ORC1: variants seen among roughly 807,000 people sequenced by gnomAD.
ORC1 encodes origin recognition complex, subunit 1 homolog.
Under a neutral mutation model 98.9 loss-of-function variants are expected in ORC1, and 61 were observed. The observed-to-expected ratio is 0.62, with a 90% CI of 0.50 to 0.76. ORC1 has a LOEUF of 0.76. Ranked by LOEUF, ORC1 falls within the 30% of genes least tolerant of loss-of-function variation. The pLI is 0.00. For synonymous variants in ORC1, 385 were observed against 406.9 expected, an observed-to-expected ratio of 0.95 and a Z score of 0.65; for missense variants, 979 against 1,072.2, an observed-to-expected ratio of 0.91 and a Z score of 1.21.
intron 13 of ORC1, among the ~76,000 whole-genome samples, chr1:52,382,289 T>G (rs149707664): frequency 4.1e-4 from 63 of 152,044 alleles, no homozygotes; most frequent in African/African-American, 1.5e-3. Flanking sequence ...TAAACTGGGA[T>G]TATAGGCATG....
chr1:52,406,754 G>T (rs991255876), upstream of ORC1, among the ~76,000 whole-genome samples: 4 of 152,156 alleles, frequency 2.6e-5, no homozygotes, highest in African/African-American at 9.6e-5. Context: ...TGCTGTAAGG[G>T]CTTTGCATAT....
chr1:52,397,206 G>A (rs910169161), intron 4 of ORC1, among the ~76,000 whole-genome samples: 2 of 152,132 alleles, frequency 1.3e-5, no homozygotes, highest in African/African-American at 4.8e-5. Flanking sequence ...GGAGCCTGAA[G>A]TCACTTCAGG....
At chr1:52,383,982 C>T (rs1326045375) in intron 11 of ORC1, 45 bp from the exon 12 acceptor site, 1 of 1,505,498 alleles carries the variant, frequency 6.6e-7, no homozygotes, top group East Asian at 2.3e-5. Context: ...AAGGGTCTTA[C>T]TCCCTTGGGC....
At chr1:52,405,957 T>A, upstream of ORC1, 2 of 873,884 alleles carry the variant, frequency 2.3e-6, no homozygotes, top group South Asian at 3.4e-5. Flanking sequence ...CACTCCAGAT[T>A]TTTGCTTTTG....
rs201244952 is a variant in ORC1 at position 52,401,396 on chromosome 1, C to G, written c.189G>C (p.Pro63=). ...ACAACTCAAGCAATTTAGCAACATA[C>G]GGGTTTTCATCATCATCCCCTTCAA... ...VLIEGDDDEN[P]YVAKLLELFE... is the part of the protein sequence containing the mutation. Residue 63 remains proline, a synonymous_variant, in exon 3 of 17, where the codon CCG becomes CCC. Transcript: ENST00000371568. 14 of 1,613,984 alleles carry G rather than the reference C, an allele frequency of 8.7e-6. No individual in the cohort carries two copies. The highest frequency in any genetic ancestry group is 1.1e-5 in the Non-Finnish European group (13 of 1,179,992).
chr1:52,402,266 T>C, intron 1 of ORC1, 38 bp from the exon 2 acceptor site: 2 of 1,468,784 alleles, frequency 1.4e-6, no homozygotes, highest in South Asian at 1.1e-5. Context: ...CCATGATAAA[T>C]ATTTGGTATT....
chr1:52,387,108 G>A (rs1040608360), intron 8 of ORC1, among the ~76,000 whole-genome samples: 1 of 152,118 alleles, frequency 6.6e-6, no homozygotes, highest in Non-Finnish European at 1.5e-5. Context: ...CTACTTTTGG[G>A]TGGGGGCCAG....
chr1:52,376,282 A>G (rs1207299346), intron 14 of ORC1, among the ~76,000 whole-genome samples: 1 of 152,200 alleles, frequency 6.6e-6, no homozygotes, highest in African/African-American at 2.4e-5. Context: ...TGGGAGGCCC[A>G]GGCAGGTGGA....
In ORC1 at chr1:52,397,794, CA is replaced by C; in HGVS notation, c.292del (p.Cys98ValfsTer38). 1 of 1,614,160 alleles carries C rather than the reference CA, an allele frequency of 6.2e-7. No individual in the cohort carries two copies. The highest frequency in any genetic ancestry group is 1.1e-5 in the South Asian group (1 of 91,082). ...WFVRFCEVPACKRHLLGRKPG... is the reference protein window; with the variant it reads ...WFVRFCEVPAXKRHLLGRKPG... Reference sequence around the variant, plus strand: ...CTTCCGGCCCAACAAATGCCGTTTACAGGCAGGGACTTCACAGAATCGGACA... The same window carrying C: ...CTTCCGGCCCAACAAATGCCGTTTACGGCAGGGACTTCACAGAATCGGACA... On this transcript the variant is annotated frameshift_variant, in exon 4 of 17. Coordinates refer to ENST00000371568, the MANE Select transcript of ORC1 (RefSeq NM_004153.4). LOFTEE classifies it high-confidence loss of function.
At chr1:52,395,303 T>A (rs897042919) in intron 5 of ORC1, among the ~76,000 whole-genome samples, 1 of 152,180 alleles carries the variant, frequency 6.6e-6, no homozygotes, top group African/African-American at 2.4e-5. Context: ...TATATGTATA[T>A]GTATCTGCTG....
intron 3 of ORC1, among the ~76,000 whole-genome samples, chr1:52,398,645 G>T (rs934337842): frequency 2.6e-5 from 4 of 151,670 alleles, no homozygotes; most frequent in Non-Finnish European, 5.9e-5. Context: ...GCAGTGGTTT[G>T]ATCTTGGCTC....
intron 14 of ORC1, among the ~76,000 whole-genome samples, chr1:52,376,377 T>C (rs1569902833): frequency 6.6e-6 from 1 of 152,186 alleles, no homozygotes; most frequent in East Asian, 1.9e-4. Context: ...CAGCCGGGCA[T>C]GGTGGCACAT....
At chr1:52,375,284 G>A in intron 15 of ORC1, 146 bp downstream of exon 15, 3 of 778,306 alleles carry the variant, frequency 3.9e-6, no homozygotes, top group Non-Finnish European at 6.6e-6. Context: ...TTATCCTAGG[G>A]TTATATTTCT....
chr1:52,405,808 A>G, upstream of ORC1: 1 of 1,614,038 alleles, frequency 6.2e-7, no homozygotes, highest in Non-Finnish European at 8.5e-7. Context: ...GAAGGATATC[A>G]TTGTAGAGTT....
chr1:52,375,854 A>C (rs1646989156), intron 14 of ORC1, among the ~76,000 whole-genome samples: 1 of 152,360 alleles, frequency 6.6e-6, no homozygotes, highest in South Asian at 2.1e-4. Flanking sequence ...CAGGAAATGA[A>C]GTCTAAAATC....
chr1:52,404,415 G>A lies in ORC1; in HGVS notation c.-175C>T, dbSNP rs185932969. On this transcript the variant is annotated 5_prime_UTR_variant, in exon 1 of 17. Transcript: ENST00000371568. Reference sequence around the variant, plus strand: ...TGTGTCTCACTAGAAATGAAAAGAAGGTGGAAGGAGAAAAGAAAACTTCGC... The same window carrying A: ...TGTGTCTCACTAGAAATGAAAAGAAAGTGGAAGGAGAAAAGAAAACTTCGC... 5.5e-5 allele frequency: 12 copies of A among 217,770 alleles called. No homozygotes were observed. In the East Asian group the frequency reaches 1.3e-3, roughly 23 times the overall value. 13.5% of individuals were successfully genotyped at this position (217,770 alleles called of 1,614,324 possible). A position where few individuals can be genotyped will look rare whatever the true frequency, so the allele number is the denominator to read the frequency against.
chr1:52,387,767 C>A (rs1400889587), intron 8 of ORC1, among the ~76,000 whole-genome samples: 1 of 152,164 alleles, frequency 6.6e-6, no homozygotes, highest in Non-Finnish European at 1.5e-5. Flanking sequence ...CGAGATTTTT[C>A]TTTGATTTCA....
chr1:52,404,970 G>A, upstream of ORC1: 2 of 1,476,386 alleles, frequency 1.4e-6, no homozygotes, highest in Non-Finnish European at 1.8e-6. Flanking sequence ...GGCCTCTGGG[G>A]GTGGTACTGG....
At chr1:52,391,512 T>C (rs1047635300) in intron 6 of ORC1, among the ~76,000 whole-genome samples, 3 of 151,978 alleles carry the variant, frequency 2.0e-5, no homozygotes, top group Admixed American at 6.6e-5. Flanking sequence ...GGAGAAAATA[T>C]TTGCAAACTA....
Sources: allele counts gnomAD v4.1 joint callset (sites outside exome capture counted in the v4.1 genomes callset), GRCh38; gene constraint gnomAD v4.1.1; transcripts MANE v1.5; gene names NCBI Gene and HGNC (gene_info 2026-07-23, HGNC 2026-07-21).